Variants in MYO5A observed in about 807,000 individuals in gnomAD.
MYO5A encodes the protein unconventional myosin-Va.
A neutral mutation model predicts 249.7 loss-of-function variants in MYO5A; 98 were observed. The ratio of observed to expected loss-of-function variants is 0.39; its 90% CI spans 0.33 to 0.46. The LOEUF is 0.46. Ranked by LOEUF, MYO5A falls within the 20% of genes least tolerant of loss-of-function variation. The pLI is 0.98. For synonymous variants in MYO5A, 778 were observed against 810.6 expected (o/e 0.96, Z 0.68); for missense variants, 1,696 against 2,308.8 (o/e 0.73, Z 5.44).
rs763101944 is a variant in MYO5A at position 52,428,509 on chromosome 15, T to C, written c.199A>G (p.Ile67Val). The C allele has an allele frequency of 1.9e-6, 3 of 1,614,170 alleles. No individual in the cohort carries two copies. The highest frequency in any genetic ancestry group is 1.1e-5 in the South Asian group (1 of 91,090). Residue 67 changes from isoleucine to valine, a missense_variant, in exon 3 of 42, where the codon ATA (isoleucine) becomes GTA (valine). By Grantham distance (29) the Ile-to-Val change is conservative (BLOSUM62 3). This residue lies in a region of MYO5A where 197 missense variants were observed against 320.3 expected (regional missense o/e 0.62). Transcript: ENST00000399233. ...GTGAGGTCATTTTCACCAACAAGTA[T>C]GTCAGGATTTCGTAAGTGAGGCAGC... ...KELPHLRNPD[I>V]LVGENDLTAL... is the part of the protein sequence containing the mutation.
intron 1 of MYO5A, among the ~76,000 whole-genome samples, chr15:52,453,784 C>T (rs915526757): frequency 1.3e-5 from 2 of 152,028 alleles, no homozygotes; most frequent in African/African-American, 4.8e-5. Context: ...GATAAATAGT[C>T]ATCTCCTTGA....
chr15:52,392,690 C>A, intron 11 of MYO5A, among the ~76,000 whole-genome samples: 1 of 152,382 alleles, frequency 6.6e-6, no homozygotes, highest in South Asian at 2.1e-4. Context: ...CCTTCAGCCA[C>A]TGTCCTCACC....
intron 1 of MYO5A, among the ~76,000 whole-genome samples, chr15:52,515,056 T>TCCTCC (rs1294307856): frequency 6.6e-6 from 1 of 151,984 alleles, no homozygotes; most frequent in African/African-American, 2.4e-5. Context: ...GGTGGGAGGA[T>TCCTCC]CACTTGAGCC....
rs760117676 is a variant in MYO5A at position 52,340,309 on chromosome 15, C to A, written c.4126G>T (p.Glu1376Ter). Residue 1376 changes from glutamate (E) to a stop codon, truncating the protein, a stop_gained, in exon 32 of 42, where the codon GAG becomes TAG. Coordinates refer to ENST00000399233, the MANE Select transcript of MYO5A (RefSeq NM_001382347.1). LOFTEE classifies it high-confidence loss of function. The stretch of plus-strand genomic sequence containing the variant: ...AGCTGCTGCTGTCGGTTGTTCTCCT[C>A]CTTCAGGCTCTGGATCTCCCCACGG... ...ALRGEIQSLK[E>*]ENNRQQQLLA... The A allele has an allele frequency of 6.2e-7, 1 of 1,614,064 alleles. No homozygotes were observed. Among genetic ancestry groups the A allele is most frequent in the Non-Finnish European group, 8.5e-7 (1 of 1,180,036 alleles).
intron 34 of MYO5A, among the ~76,000 whole-genome samples, chr15:52,332,875 G>T (rs1430467957): frequency 1.3e-5 from 2 of 152,172 alleles, no homozygotes; most frequent in Admixed American, 1.3e-4. Flanking sequence ...TGAGGCAGGA[G>T]AATCGCTTGA....
At chr15:52,357,214 A>G (rs1434059482) in intron 25 of MYO5A, among the ~76,000 whole-genome samples, 1 of 152,108 alleles carries the variant, frequency 6.6e-6, no homozygotes, top group Non-Finnish European at 1.5e-5. Context: ...AACATTCCAT[A>G]TTATATATTT....
At chr15:52,357,143 C>T (rs2040270369) in intron 25 of MYO5A, among the ~76,000 whole-genome samples, 1 of 152,090 alleles carries the variant, frequency 6.6e-6, no homozygotes, top group Non-Finnish European at 1.5e-5. Context: ...AAATTCTTCT[C>T]TATACGTCCC....
chr15:52,523,144 C>T (rs1595844439), intron 1 of MYO5A, among the ~76,000 whole-genome samples: 1 of 152,320 alleles, frequency 6.6e-6, no homozygotes, highest in East Asian at 1.9e-4. Flanking sequence ...ACTACTCCTG[C>T]TCCTTCCCAT....
Position 52,394,743 on chromosome 15 carries a change from C to T in MYO5A, c.1401+1573G>A, listed in dbSNP as rs187049107. 2.5e-3 allele frequency among the ~76,000 whole-genome samples: 376 copies of T among 152,332 alleles called. 1 individual carries two copies. The highest frequency in any genetic ancestry group is 9.8e-3 in the South Asian group (47 of 4,820). On this transcript the variant is annotated intron_variant, in intron 11 of 41. Transcript: ENST00000399233. ...TAAAGAGGCTGGCATTGCTTCCTTA[C>T]ATTCCAGTCACTCTGTGTGGAAACA...
At chr15:52,363,225 A>G (rs1409986593) in intron 24 of MYO5A, among the ~76,000 whole-genome samples, 1 of 152,244 alleles carries the variant, frequency 6.6e-6, no homozygotes, top group African/African-American at 2.4e-5. Context: ...ACTGAAAAAG[A>G]AGAAAAGGAT....
chr15:52,330,778 T>C (rs1346872426), intron 34 of MYO5A, among the ~76,000 whole-genome samples: 1 of 152,222 alleles, frequency 6.6e-6, no homozygotes, highest in Non-Finnish European at 1.5e-5. Context: ...TAATAAGGCT[T>C]ACTTTTTAAT....
rs149891859 is a variant in MYO5A, at chr15:52,354,577, C to T, written c.3424-563G>A. Among the ~76,000 whole-genome samples, 114 of 152,230 alleles carry T rather than the reference C, an allele frequency of 7.5e-4. 2 individuals carry two copies. The East Asian group carries it at 0.02, about 27-fold the overall frequency. On this transcript the variant is annotated intron_variant, in intron 25 of 41. Transcript: ENST00000399233. ...AGCTGTTAAAAAGAATGAAGTAGGC[C>T]GGGCACGGTGGCTCATGCCTGTAAT...
intron 1 of MYO5A, among the ~76,000 whole-genome samples, chr15:52,433,527 TCTC>T (rs2075589912): frequency 6.7e-6 from 1 of 150,020 alleles, no homozygotes; most frequent in South Asian, 2.1e-4. Flanking sequence ...TTCAAGCAAT[TCTC>T]CTGCCTCAGC....
chr15:52,519,225 G>C (rs1356332553), intron 1 of MYO5A, among the ~76,000 whole-genome samples: 1 of 152,172 alleles, frequency 6.6e-6, no homozygotes, highest in Non-Finnish European at 1.5e-5. Flanking sequence ...TGCAAGCAAG[G>C]ATGTGAAGAA....
At chr15:52,528,247 C>A (rs757670760) in intron 1 of MYO5A, among the ~76,000 whole-genome samples, 1 of 152,178 alleles carries the variant, frequency 6.6e-6, no homozygotes, top group Non-Finnish European at 1.5e-5. Flanking sequence ...GCTCGCCACC[C>A]CCAGCGCAGC....
At chr15:52,429,697 A>C (rs904254874) in intron 2 of MYO5A, among the ~76,000 whole-genome samples, 33 of 73,678 alleles carry the variant, frequency 4.5e-4, no homozygotes, top group African/African-American at 1.0e-3. Context: ...TCAAAAAAAA[A>C]CAAAAAAACA....
At chr15:52,490,470 A>C (rs1229440441) in intron 1 of MYO5A, among the ~76,000 whole-genome samples, 2 of 152,238 alleles carry the variant, frequency 1.3e-5, no homozygotes, top group Non-Finnish European at 2.9e-5. Context: ...ATTCTGAAAG[A>C]TGTCACGACA....
chr15:52,346,872 T>C (rs1320202940), intron 29 of MYO5A, among the ~76,000 whole-genome samples: 1 of 151,820 alleles, frequency 6.6e-6, no homozygotes, highest in Non-Finnish European at 1.5e-5. Context: ...CCATTCTTTC[T>C]ACTACTTCAT....
chr15:52,430,876 A>G (rs1285172491), intron 2 of MYO5A, among the ~76,000 whole-genome samples: 1 of 152,090 alleles, frequency 6.6e-6, no homozygotes, highest in East Asian at 1.9e-4. Flanking sequence ...AATAGAATGA[A>G]CCTGGTGGCA....
Sources: allele counts gnomAD v4.1 joint callset (sites outside exome capture counted in the v4.1 genomes callset), GRCh38; gene constraint gnomAD v4.1.1; regional missense constraint gnomAD v4.1.1; transcripts MANE v1.5; gene names NCBI Gene and HGNC (gene_info 2026-07-23, HGNC 2026-07-21).